FAT1: variants seen among roughly 807,000 people sequenced by gnomAD.
The protein encoded by FAT1 is protocadherin Fat 1.
In FAT1, 171 loss-of-function variants were observed where a neutral mutation model predicts 329.8. The ratio of observed to expected loss-of-function variants is 0.52; its 90% CI spans 0.46 to 0.59. FAT1 has a LOEUF of 0.59. Ranked by LOEUF, FAT1 falls within the 20% of genes least tolerant of loss-of-function variation. The pLI, the probability that FAT1 is intolerant of heterozygous loss-of-function variation, is 0.00. For synonymous variants in FAT1, 2,233 were observed against 2,228.6 expected, an observed-to-expected ratio of 1.00 and a Z score of -0.06; for missense variants, 5,672 against 5,774.4, an observed-to-expected ratio of 0.98 and a Z score of 0.57.
intron 17 of FAT1, among the ~76,000 whole-genome samples, chr4:186,605,774 G>GT (rs1739103121): frequency 6.6e-6 from 1 of 150,658 alleles, no homozygotes; most frequent in East Asian, 2.0e-4. Flanking sequence ...GAAGGTCAAG[G>GT]GGGGAGGAGA....
At position 186,611,645 on chromosome 4, in the gene FAT1, A is replaced by C. The variant is rs780411151; in HGVS notation, c.9594T>G (p.Ser3198=). The change falls in exon 14 of 27, where the codon TCT becomes TCG. Residue 3198 remains serine, a synonymous_variant. Transcript: ENST00000441802. ...GCAAGCCTTGATCCACAGCTTTCAA[A>C]GAGAGGGTGTATACTGCCTGGAGTT... ...DRELQAVYTL[S]LKAVDQGLPR... The C allele has an allele frequency of 1.2e-6, 2 of 1,613,370 alleles. No homozygotes were observed.
intron 26 of FAT1, among the ~76,000 whole-genome samples, chr4:186,594,707 A>G (rs1253553973): frequency 7.1e-6 from 1 of 140,092 alleles, no homozygotes; most frequent in Non-Finnish European, 1.5e-5. Flanking sequence ...TATACTTGAA[A>G]TCAGAAATGA....
chr4:186,695,577 T>C (rs1743985633), intron 2 of FAT1, among the ~76,000 whole-genome samples: 1 of 152,136 alleles, frequency 6.6e-6, no homozygotes, highest in Non-Finnish European at 1.5e-5. Flanking sequence ...ACAATCTATT[T>C]CCATTTTAAA....
chr4:186,618,441 G>A lies in FAT1; in HGVS notation c.8145C>T (p.Asp2715=), dbSNP rs369653159. The A allele has an allele frequency of 3.5e-5, 57 of 1,613,900 alleles. No individual in the cohort carries two copies. The South Asian group carries it at 4.3e-4, about 12-fold the overall frequency. ...EPFYTFTVSE[D]VPIGTEIDLI... is the part of the protein sequence containing the mutation. Reference sequence around the variant, plus strand: ...GATCTATCTCTGTTCCAATAGGCACGTCCTCTGACACTGTAAAGGTATAGA... The same window carrying A: ...GATCTATCTCTGTTCCAATAGGCACATCCTCTGACACTGTAAAGGTATAGA... The change falls in exon 10 of 27, where the codon GAC becomes GAT. Residue 2715 remains aspartate (D), a synonymous_variant. Coordinates refer to ENST00000441802, the MANE Select transcript of FAT1 (RefSeq NM_005245.4).
chr4:186,688,114 G>GAA lies in FAT1; in HGVS notation c.3265+18447_3265+18448dup, dbSNP rs55834504. ...CCAAATGCTATGGAGACTCAAAGCTGAAAAAAAAAAAAAAAAAAAGCCAAC... is the reference window on the plus strand; with the variant it reads ...CCAAATGCTATGGAGACTCAAAGCTGAAAAAAAAAAAAAAAAAAAAAGCCAAC... On this transcript the variant is annotated intron_variant, in intron 2 of 26. Transcript: ENST00000441802. Among the ~76,000 whole-genome samples the GAA allele has an allele frequency of 7.4e-4, 41 of 55,638 alleles. 1 individual carries two copies. The highest frequency in any genetic ancestry group is 4.6e-3 in the East Asian group (9 of 1,938). The allele number at this position is 55,638 out of a possible 152,430, so 36.5% of individuals were successfully genotyped here. A position where few individuals can be genotyped will look rare whatever the true frequency, so the allele number is the denominator to read the frequency against.
chr4:186,670,732 G>T (rs904588245), intron 2 of FAT1, among the ~76,000 whole-genome samples: 1 of 152,116 alleles, frequency 6.6e-6, no homozygotes, highest in South Asian at 2.1e-4. Context: ...TACGTGTTTG[G>T]TTCAAGGCCG....
intron 22 of FAT1, 79 bp from the exon 23 acceptor site, chr4:186,598,204 C>T (rs1397183342): frequency 8.4e-6 from 11 of 1,314,578 alleles, no homozygotes; most frequent in African/African-American, 1.5e-5. Flanking sequence ...TGCTTTTTAT[C>T]TTTATTCTCC....
intron 2 of FAT1, among the ~76,000 whole-genome samples, chr4:186,669,283 G>A (rs77894214): frequency 0.058 from 8,812 of 152,266 alleles, 298 homozygotes; most frequent in East Asian, 0.14. Flanking sequence ...CAACAGAGCC[G>A]TGAGAGGGGT....
In FAT1 at chr4:186,619,790, C is replaced by T. The variant is rs2126509137; in HGVS notation, c.6796G>A (p.Glu2266Lys). 1 of 1,614,038 alleles carries T rather than the reference C, an allele frequency of 6.2e-7. No individual in the cohort carries two copies. Residue 2266 changes from glutamate (E) to lysine (K), a missense_variant, in exon 10 of 27, where the codon GAA becomes AAA. This residue lies in a region of FAT1 where 3,966 missense variants were observed against 3,915.2 expected (regional missense o/e 1.01). Coordinates refer to ENST00000441802, the MANE Select transcript of FAT1 (RefSeq NM_005245.4). ...ATDSLTGAHAEVFVDIIVDDI... is the reference protein window; with the variant it reads ...ATDSLTGAHAKVFVDIIVDDI... ...TCTACTATGATGTCCACAAATACTT[C>T]AGCATGAGCGCCCGTCAAGGAGTCA...
intron 2 of FAT1, among the ~76,000 whole-genome samples, chr4:186,702,478 G>C (rs1200706271): frequency 6.6e-6 from 1 of 152,140 alleles, no homozygotes; most frequent in African/African-American, 2.4e-5. Flanking sequence ...AACTACTCTA[G>C]ACTGAAGGTC....
Position 186,706,515 on chromosome 4 carries a change from A to T in FAT1, c.3265+48T>A, listed in dbSNP as rs539925890. The T allele has an allele frequency of 2.0e-6, 3 of 1,529,838 alleles. No individual in the cohort carries two copies. In the South Asian group the frequency reaches 3.9e-5, roughly 20 times the overall value. 94.8% of individuals were successfully genotyped at this position (1,529,838 alleles called of 1,614,324 possible). On this transcript the variant is annotated intron_variant, in intron 2 of 26. Coordinates refer to ENST00000441802, the MANE Select transcript of FAT1 (RefSeq NM_005245.4). The stretch of plus-strand genomic sequence containing the variant: ...CACAGGGCAGATGGTTAAAAAAAAA[A>T]AAAAAATGGAAAAGGGCATCAAATG...
chr4:186,705,712 G>A (rs1211447841), intron 2 of FAT1, among the ~76,000 whole-genome samples: 2 of 152,172 alleles, frequency 1.3e-5, no homozygotes, highest in South Asian at 2.1e-4. Context: ...CAATATCTGC[G>A]CAGCAAGACT....
At chr4:186,623,947 A>T (rs73873663) in intron 9 of FAT1, among the ~76,000 whole-genome samples, 1,971 of 152,340 alleles carry the variant, frequency 0.013, 46 homozygotes, top group African/African-American at 0.045. Flanking sequence ...ACAGGAACCC[A>T]GCTCGTGATG....
chr4:186,646,315 T>C (rs116134453), intron 3 of FAT1, among the ~76,000 whole-genome samples: 4,059 of 152,330 alleles, frequency 0.027, 94 homozygotes, highest in Middle Eastern at 0.048. Context: ...TATTTTCCTC[T>C]ACCCCCTGCA....
At position 186,601,358 on chromosome 4, in the gene FAT1, A is replaced by G. The variant is rs763923731; in HGVS notation, c.11551T>C (p.Leu3851=). The change falls in exon 21 of 27, where the codon TTA becomes CTA. Residue 3851 remains leucine, a synonymous_variant. Transcript: ENST00000441802. ...AGCCTCATGGTCAGTTTCATCTCTA[A>G]TTTGTTTTCATTTTCCGTCAGACGG... ...KYRLTENENK[L]EMKLTMRLRT... is the part of the protein sequence containing the mutation. 1.2e-6 allele frequency: 2 copies of G among 1,613,338 alleles called. No individual in the cohort carries two copies. The highest frequency in any genetic ancestry group is 4.5e-5 in the East Asian group (2 of 44,864).
At chr4:186,695,447 G>A (rs1489380576) in intron 2 of FAT1, among the ~76,000 whole-genome samples, 1 of 152,204 alleles carries the variant, frequency 6.6e-6, no homozygotes, top group African/African-American at 2.4e-5. Context: ...ATTTTGGAAG[G>A]TATGGGAGAC....
At chr4:186,639,505 G>T (rs1315353281) in intron 4 of FAT1, among the ~76,000 whole-genome samples, 1 of 152,162 alleles carries the variant, frequency 6.6e-6, no homozygotes, top group African/African-American at 2.4e-5. Flanking sequence ...CATGACAGTG[G>T]CTGTGTATTC....
chr4:186,653,261 A>G (rs189256058), intron 3 of FAT1, among the ~76,000 whole-genome samples: 22 of 152,292 alleles, frequency 1.4e-4, no homozygotes, highest in Admixed American at 3.9e-4. Context: ...ATCTAGGAAA[A>G]TTTATCTTCT....
At chr4:186,652,461 T>C (rs891370509) in intron 3 of FAT1, among the ~76,000 whole-genome samples, 3 of 152,190 alleles carry the variant, frequency 2.0e-5, no homozygotes, top group Non-Finnish European at 4.4e-5. Context: ...TTTGTCATCA[T>C]CAACATCGGC....
Sources: gnomAD v4.1 joint callset for allele counts (sites outside exome capture counted in the v4.1 genomes callset) on GRCh38, gnomAD v4.1.1 for gene constraint, gnomAD v4.1.1 regional missense constraint, MANE v1.5 for transcripts, NCBI Gene and HGNC (gene_info 2026-07-23, HGNC 2026-07-21) for gene names.